DOP1B: variants seen among roughly 807,000 people sequenced by gnomAD.
DOP1B encodes the protein protein DOP1B.
In DOP1B, 174 loss-of-function variants were observed where a neutral mutation model predicts 233.5. That is an observed-to-expected ratio of 0.75 (90% CI 0.66 to 0.85). The LOEUF (loss-of-function observed/expected upper bound fraction) is 0.85. Ranked by LOEUF, DOP1B falls within the 40% of genes least tolerant of loss-of-function variation. The pLI is 0.00. For missense variants in DOP1B, 2,652 were observed against 2,846.6 expected (o/e 0.93, Z 1.56); for synonymous variants, 1,190 against 1,185.6 (o/e 1.00, Z -0.08).
At chr21:36,231,671 G>GTTTTTTTTTTTTTTTTTTTTTT in intron 14 of DOP1B, among the ~76,000 whole-genome samples, 1 of 146,432 alleles carries the variant, frequency 6.8e-6, no homozygotes, top group African/African-American at 2.6e-5. Flanking sequence ...TTTGTGTTGG[G>GTTTTTTTTTTTTTTTTTTTTTT]TTTTTTTGTT....
chr21:36,194,855 T>C (rs936183626), intron 2 of DOP1B, among the ~76,000 whole-genome samples: 1 of 152,164 alleles, frequency 6.6e-6, no homozygotes, highest in Admixed American at 6.5e-5. Flanking sequence ...AGTTTGCCTT[T>C]AGTGCACCTT....
intron 15 of DOP1B, among the ~76,000 whole-genome samples, chr21:36,236,083 T>C (rs2066822261): frequency 2.0e-5 from 3 of 152,216 alleles, no homozygotes; most frequent in Admixed American, 2.0e-4. Flanking sequence ...CCTAAAATAC[T>C]CCAGTCTATG....
chr21:36,245,866 G>C lies in DOP1B; in HGVS notation c.3886G>C (p.Gly1296Arg). 1 of 1,613,732 alleles carries C rather than the reference G, an allele frequency of 6.2e-7. No homozygotes were observed. Among genetic ancestry groups the C allele is most frequent in the Non-Finnish European group, 8.5e-7 (1 of 1,179,986 alleles). Reference protein sequence around the residue: ...QEALIGQSFYGKLQTQVPNVC... With the variant: ...QEALIGQSFYRKLQTQVPNVC... ...GGCCCTCATTGGCCAGAGTTTCTAC[G>C]GAAAGCTCCAGACCCAGGTCCCCAA... The change falls in exon 19 of 37, where the codon GGA becomes CGA. Residue 1296 changes from glycine (G) to arginine (R), a missense_variant. Physicochemically the swap from Gly to Arg is moderately radical, Grantham distance 125. Around this residue, in one of 3 missense-constraint regions of DOP1B, gnomAD observed 2,617 missense variants for 2,794.3 expected, o/e 0.94. Coordinates refer to ENST00000691173, the MANE Select transcript of DOP1B (RefSeq NM_001320714.2). This position sits in a 1 kb window ranked among gnomAD's most constrained non-coding sequence, Gnocchi z 5.5.
At chr21:36,211,921 C>G (rs1601415498) in intron 6 of DOP1B, 53 bp from the exon 7 acceptor site, 16 of 1,612,508 alleles carry the variant, frequency 9.9e-6, no homozygotes, top group Non-Finnish European at 1.4e-5. Context: ...GTCAAAAAGT[C>G]AGCAATCTGC....
intron 4 of DOP1B, among the ~76,000 whole-genome samples, chr21:36,203,329 A>C (rs1446155863): frequency 6.6e-6 from 1 of 152,222 alleles, no homozygotes; most frequent in African/African-American, 2.4e-5. Flanking sequence ...TGTTGCAGCC[A>C]CAGTAATTGA....
At position 36,199,211 on chromosome 21, in the gene DOP1B, G is replaced by A. The variant is rs753510887; in HGVS notation, c.280G>A (p.Val94Met). 79 of 1,613,992 alleles carry A rather than the reference G, an allele frequency of 4.9e-5. No individual in the cohort carries two copies. The highest frequency in any genetic ancestry group is 3.3e-4 in the Middle Eastern group (2 of 6,084). The change falls in exon 3 of 37, where the codon GTG becomes ATG. Residue 94 changes from valine (V) to methionine (M), a missense_variant. By Grantham distance (21) the Val-to-Met change is conservative. Transcript: ENST00000691173. ...LETYEIIFKI[V>M]GTKWLAKDLF... ...AACCTACGAGATTATCTTTAAAATC[G>A]TGGGGACCAAATGGCTGGCCAAGGA... is the stretch of plus-strand genomic sequence containing the variant.
chr21:36,256,687 A>G (rs1029991134), intron 23 of DOP1B, among the ~76,000 whole-genome samples: 1 of 152,182 alleles, frequency 6.6e-6, no homozygotes, highest in African/African-American at 2.4e-5. Flanking sequence ...TCAGATCCTC[A>G]ACATGGATGA....
At chr21:36,256,752 G>A (rs1347723859) in intron 23 of DOP1B, among the ~76,000 whole-genome samples, 1 of 146,240 alleles carries the variant, frequency 6.8e-6, no homozygotes, top group Non-Finnish European at 1.5e-5. Context: ...GACTAACACA[G>A]TTCTATATCT....
intron 2 of DOP1B, among the ~76,000 whole-genome samples, chr21:36,189,063 C>T (rs953762865): frequency 2.6e-5 from 4 of 152,134 alleles, no homozygotes; most frequent in Admixed American, 6.5e-5. Flanking sequence ...AATTTTTCAT[C>T]GTGTTCCCTA....
At chr21:36,220,563 T>C (rs1486438810) in intron 10 of DOP1B, among the ~76,000 whole-genome samples, 3 of 152,022 alleles carry the variant, frequency 2.0e-5, no homozygotes, top group Non-Finnish European at 4.4e-5. Context: ...TGCAGTGGCG[T>C]GAACATGGCT....
intron 26 of DOP1B, among the ~76,000 whole-genome samples, chr21:36,268,689 G>A (rs2067255507): frequency 6.6e-6 from 1 of 152,170 alleles, no homozygotes; most frequent in African/African-American, 2.4e-5. Flanking sequence ...CGGGGTCGCT[G>A]ACTTCCCGCA....
chr21:36,263,446 CCCT>C lies in DOP1B; in HGVS notation c.5316-99_5316-97del. The C allele has an allele frequency of 5.1e-6, 5 of 984,690 alleles. No homozygotes were observed. The Admixed American group carries it at 1.1e-4, about 22-fold the overall frequency. The allele number at this position is 984,690 out of a possible 1,614,324, so 61.0% of individuals were successfully genotyped here. On this transcript the variant is annotated intron_variant, in intron 24 of 36. Transcript: ENST00000691173. ...AAAGGTCAGTGAGGTATGCTGTTTA[CCCT>C]TTGCTTTCCAACTGCCAGGATCTTA... is the stretch of plus-strand genomic sequence containing the variant.
chr21:36,236,609 G>T (rs916886514), intron 15 of DOP1B, among the ~76,000 whole-genome samples: 7 of 152,210 alleles, frequency 4.6e-5, no homozygotes, highest in African/African-American at 1.7e-4. Context: ...AACCCCTTTG[G>T]TCCAGTTTCC....
chr21:36,179,542 G>T (rs2845754), intron 2 of DOP1B, among the ~76,000 whole-genome samples: 151,486 of 152,346 alleles, frequency 0.99, 75,351 homozygotes, highest in Middle Eastern at 1. Flanking sequence ...TTTTATTGTA[G>T]GTAATAGCAA....
intron 5 of DOP1B, among the ~76,000 whole-genome samples, 180 bp downstream of exon 5, chr21:36,209,084 G>A (rs1340228548): frequency 1.3e-5 from 2 of 152,186 alleles, no homozygotes; most frequent in Admixed American, 6.5e-5. Context: ...AGTTGAGGCT[G>A]GTGGTGGCTT....
chr21:36,283,958 T>C (rs1461866401), intron 32 of DOP1B, among the ~76,000 whole-genome samples: 1 of 147,026 alleles, frequency 6.8e-6, no homozygotes, highest in East Asian at 2.0e-4. Context: ...TTTTTTTTTT[T>C]TTCCTTTGAG....
chr21:36,230,728 A>G lies in DOP1B; in HGVS notation c.1944A>G (p.Thr648=). 2 of 1,614,222 alleles carry G rather than the reference A, an allele frequency of 1.2e-6. No individual in the cohort carries two copies. The highest frequency in any genetic ancestry group is 1.7e-6 in the Non-Finnish European group (2 of 1,180,036). ...AGAACATTTTTGGAGTACAGCTGAC[A>G]GCGTCAGGAGAAGAAAGCAAGTCCG... The part of the protein sequence containing the change: ...ASKNIFGVQL[T]ASGEESKSEE... Residue 648 remains threonine, a synonymous_variant, in exon 14 of 37, where the codon ACA becomes ACG. Coordinates refer to ENST00000691173, the MANE Select transcript of DOP1B (RefSeq NM_001320714.2).
At chr21:36,230,066 T>C (rs2066741033) in intron 13 of DOP1B, among the ~76,000 whole-genome samples, 1 of 151,254 alleles carries the variant, frequency 6.6e-6, no homozygotes, top group African/African-American at 2.4e-5. Flanking sequence ...CAGAGAATTG[T>C]GGCAGGTGAT....
At chr21:36,179,432 T>A (rs1041348702) in intron 2 of DOP1B, among the ~76,000 whole-genome samples, 3 of 152,250 alleles carry the variant, frequency 2.0e-5, no homozygotes, top group African/African-American at 7.2e-5. Context: ...TTTTGCATTT[T>A]GTACATGACA....
Sources: gnomAD v4.1 joint callset for allele counts (sites outside exome capture counted in the v4.1 genomes callset) on GRCh38, gnomAD v4.1.1 for gene constraint, gnomAD v4.1.1 regional missense constraint, Gnocchi (gnomAD v3.1) non-coding constraint, MANE v1.5 for transcripts, NCBI Gene and HGNC (gene_info 2026-07-23, HGNC 2026-07-21) for gene names.